The following VSTM2A variants were observed in gnomAD, a reference collection of about 807,000 sequenced individuals.
VSTM2A encodes V-set and transmembrane domain-containing protein 2A.
In VSTM2A, 13 loss-of-function variants were observed where a neutral mutation model predicts 27.3. That is an observed-to-expected ratio of 0.48 (90% CI 0.31 to 0.76). The LOEUF (loss-of-function observed/expected upper bound fraction) is 0.76, where lower values mean the gene tolerates loss of function less well. Among genes scored for constraint, VSTM2A ranks in the 30% least tolerant of loss-of-function variants. The pLI, the probability that VSTM2A is intolerant of heterozygous loss-of-function variation, is 0.05. For synonymous variants in VSTM2A, 142 were observed against 125.7 expected (o/e 1.13, Z -0.87); for missense variants, 280 against 310.0 (o/e 0.90, Z 0.73).
intron 4 of VSTM2A, among the ~76,000 whole-genome samples, chr7:54,566,982 T>C (rs540736302): frequency 2.0e-5 from 3 of 152,336 alleles, no homozygotes; most frequent in Admixed American, 6.5e-5. Context: ...AAAATGACTA[T>C]GATGATTATT....
At chr7:54,555,695 C>A (rs1454474329) in intron 4 of VSTM2A, among the ~76,000 whole-genome samples, 1 of 152,228 alleles carries the variant, frequency 6.6e-6, no homozygotes, top group African/African-American at 2.4e-5. Context: ...ATCACCCTAA[C>A]TATAACTTCT....
chr7:54,549,940 G>A lies in VSTM2A; in HGVS notation c.404G>A (p.Gly135Glu). The A allele has an allele frequency of 6.2e-7, 1 of 1,613,750 alleles. No individual in the cohort carries two copies. ...TGCAGGGTGACTGATGCCAACTACG[G>A]GGAGCTTCAGGAACACAAGGCCCAG... ...YECRVTDANYGELQEHKAQAY... is the reference protein window; with the variant it reads ...YECRVTDANYEELQEHKAQAY... Residue 135 changes from glycine (G) to glutamate (E), a missense_variant, in exon 4 of 5, where the codon GGG becomes GAG. Gly to Glu is a moderately conservative substitution (Grantham distance 98). Transcript: ENST00000402613.
chr7:54,546,112 A>G, intron 2 of VSTM2A: 1 of 133,238 alleles, frequency 7.5e-6, no homozygotes, highest in Non-Finnish European at 1.6e-5. Context: ...GAGGGAGGGA[A>G]AGGAAGAGAG....
chr7:54,568,883 C>A, intron 4 of VSTM2A: 1 of 993,052 alleles, frequency 1.0e-6, no homozygotes, highest in Non-Finnish European at 1.5e-6. Flanking sequence ...CATGCCAAGA[C>A]ATTCATGAGC....
chr7:54,566,932 A>G (rs1788743728), intron 4 of VSTM2A, among the ~76,000 whole-genome samples: 1 of 152,246 alleles, frequency 6.6e-6, no homozygotes, highest in South Asian at 2.1e-4. Flanking sequence ...CATGTTTGAT[A>G]AGAAGTAATG....
At chr7:54,546,384 G>C (rs1015348829) in intron 2 of VSTM2A, among the ~76,000 whole-genome samples, 1 of 151,910 alleles carries the variant, frequency 6.6e-6, no homozygotes, top group African/African-American at 2.4e-5. Flanking sequence ...CTAGTTGAGC[G>C]AGAGGCGGCG....
At chr7:54,565,331 C>T (rs1429519329) in intron 4 of VSTM2A, among the ~76,000 whole-genome samples, 1 of 152,184 alleles carries the variant, frequency 6.6e-6, no homozygotes, top group Non-Finnish European at 1.5e-5. Context: ...AGGCACAGTG[C>T]CTACTGCATG....
intron 4 of VSTM2A, among the ~76,000 whole-genome samples, chr7:54,565,452 T>A (rs1788691812): frequency 6.6e-6 from 1 of 152,226 alleles, no homozygotes; most frequent in Admixed American, 6.5e-5. Flanking sequence ...CCCAGCCTGA[T>A]GACTGCAGAT....
At chr7:54,562,112 CAG>C (rs1788581318) in intron 4 of VSTM2A, among the ~76,000 whole-genome samples, 1 of 152,064 alleles carries the variant, frequency 6.6e-6, no homozygotes, top group Admixed American at 6.6e-5. Context: ...TTAGTAGAAA[CAG>C]GGTTTCACCA....
chr7:54,570,150 G>A lies in VSTM2A; in HGVS notation c.*931G>A, dbSNP rs1479083700. 3.9e-5 allele frequency: 6 copies of A among 152,114 alleles called. No individual in the cohort carries two copies. The highest frequency in any genetic ancestry group is 5.9e-5 in the Non-Finnish European group (4 of 68,016). The allele number at this position is 152,114 out of a possible 1,614,324, so 9.4% of individuals were successfully genotyped here. ...TCGATGAATTAATTTTGTTATGTCTGTGCTAAGTTGGAATTTACTATGTTC... is the reference window on the plus strand; with the variant it reads ...TCGATGAATTAATTTTGTTATGTCTATGCTAAGTTGGAATTTACTATGTTC... On this transcript the variant is annotated 3_prime_UTR_variant, in exon 5 of 5. Coordinates refer to ENST00000402613, the MANE Select transcript of VSTM2A (RefSeq NM_001301009.2).
At chr7:54,560,540 A>G (rs1788524593) in intron 4 of VSTM2A, among the ~76,000 whole-genome samples, 1 of 152,178 alleles carries the variant, frequency 6.6e-6, no homozygotes, top group African/African-American at 2.4e-5. Context: ...CATTGGGAGT[A>G]TCAAGGGAAA....
intron 2 of VSTM2A, among the ~76,000 whole-genome samples, chr7:54,545,797 GA>G (rs1787936448): frequency 9.9e-6 from 1 of 101,002 alleles, no homozygotes; most frequent in Non-Finnish European, 2.0e-5. Flanking sequence ...GAGGGTAGGG[GA>G]AAAGGAGGGA....
chr7:54,542,954 T>A, intron 1 of VSTM2A, 145 bp downstream of exon 1: 1 of 766,850 alleles, frequency 1.3e-6, no homozygotes, highest in Non-Finnish European at 2.1e-6. Context: ...TGTTTGACGA[T>A]TTTTTTTAAA....
At chr7:54,554,975 A>G (rs1479351514) in intron 4 of VSTM2A, among the ~76,000 whole-genome samples, 2 of 152,200 alleles carry the variant, frequency 1.3e-5, no homozygotes, top group Non-Finnish European at 2.9e-5. Flanking sequence ...CAAATATTCA[A>G]GACTGAATTT....
chr7:54,566,681 T>A (rs567317072), intron 4 of VSTM2A, among the ~76,000 whole-genome samples: 1 of 152,302 alleles, frequency 6.6e-6, no homozygotes, highest in African/African-American at 2.4e-5. Context: ...CATACTAATA[T>A]GACAAGAATA....
chr7:54,560,152 TAAAG>T (rs66518364), intron 4 of VSTM2A, among the ~76,000 whole-genome samples: 20,697 of 151,880 alleles, frequency 0.14, 2,537 homozygotes, highest in African/African-American at 0.32. Context: ...TTTCAACAAA[TAAAG>T]AGAAGCAAAG....
intron 4 of VSTM2A, chr7:54,551,224 A>G (rs1186969284): frequency 2.0e-5 from 3 of 152,010 alleles, no homozygotes; most frequent in African/African-American, 7.2e-5. Context: ...TATATCAAAT[A>G]TATATATACA....
intron 4 of VSTM2A, among the ~76,000 whole-genome samples, chr7:54,556,608 T>G (rs1459075214): frequency 2.0e-5 from 3 of 152,246 alleles, no homozygotes; most frequent in Non-Finnish European, 4.4e-5. Flanking sequence ...TTAATCATTG[T>G]AATTCTATCA....
At chr7:54,561,927 GT>G (rs10711749) in intron 4 of VSTM2A, among the ~76,000 whole-genome samples, 20,699 of 150,672 alleles carry the variant, frequency 0.14, 2,574 homozygotes, top group African/African-American at 0.33. Context: ...TTTTTTGTTT[GT>G]TTTTTTTTGT....
Sources: gnomAD v4.1 joint callset for allele counts (sites outside exome capture counted in the v4.1 genomes callset) on GRCh38, gnomAD v4.1.1 for gene constraint, MANE v1.5 for transcripts, NCBI Gene and HGNC (gene_info 2026-07-23, HGNC 2026-07-21) for gene names.